TRPC5: variants seen among roughly 807,000 people sequenced by gnomAD.
TRPC5 encodes short transient receptor potential channel 5.
A neutral mutation model predicts 56.5 loss-of-function variants in TRPC5; 9 were observed. That is an observed-to-expected ratio of 0.16 (90% CI 0.10 to 0.28). The LOEUF is 0.28. TRPC5 is among the 10% of genes least tolerant of loss of function. The pLI is 1.00. For synonymous variants in TRPC5, 282 were observed against 278.5 expected (o/e 1.01, Z -0.13); for missense variants, 469 against 748.9 (o/e 0.63, Z 4.36).
rs1460133160 is a variant in TRPC5 at position 111,768,478 on chromosome X, A to G, written c.*7835T>C. 8.9e-6 allele frequency among the ~76,000 whole-genome samples: 1 copy of G among 111,849 alleles called. No homozygotes were observed. Among genetic ancestry groups the G allele is most frequent in the Non-Finnish European group, 1.9e-5 (1 of 53,109 alleles). ...TTTTGAGAAATATGGAATAAATAGA[A>G]TCCTGTGAAGAGTTTAACTATTGTT... On this transcript the variant is annotated 3_prime_UTR_variant, in exon 11 of 11. Coordinates refer to ENST00000262839, the MANE Select transcript of TRPC5 (RefSeq NM_012471.3).
intron 1 of TRPC5, among the ~76,000 whole-genome samples, chrX:112,001,866 G>A (rs1283121725): frequency 8.9e-6 from 1 of 112,192 alleles, no homozygotes; most frequent in Non-Finnish European, 1.9e-5. Flanking sequence ...CACATAGTAG[G>A]TGTTCAGTAA....
At chrX:111,991,361 G>A (rs1928348710) in intron 1 of TRPC5, among the ~76,000 whole-genome samples, 1 of 111,958 alleles carries the variant, frequency 8.9e-6, no homozygotes, top group Non-Finnish European at 1.9e-5. Flanking sequence ...TGACTTATTA[G>A]CTGAACCATA....
chrX:112,051,562 T>A (rs2147734038), intron 1 of TRPC5, among the ~76,000 whole-genome samples: 1 of 111,736 alleles, frequency 8.9e-6, no homozygotes, highest in South Asian at 3.8e-4. Context: ...AAAAAAAAAA[T>A]GTCTTCTGCA....
intron 1 of TRPC5, among the ~76,000 whole-genome samples, chrX:112,059,560 T>C (rs1488461952): frequency 1.8e-5 from 2 of 111,481 alleles, no homozygotes. Context: ...CACCCTGGAG[T>C]TTAAGGGATG....
chrX:111,803,887 G>A (rs772228501), intron 7 of TRPC5, among the ~76,000 whole-genome samples: 1 of 111,852 alleles, frequency 8.9e-6, no homozygotes, highest in East Asian at 2.8e-4. Flanking sequence ...GGCTTTTGTT[G>A]CCATTGCTTT....
chrX:111,948,803 C>T (rs1417081276), intron 2 of TRPC5, among the ~76,000 whole-genome samples: 1 of 110,907 alleles, frequency 9.0e-6, no homozygotes, highest in Non-Finnish European at 1.9e-5. Flanking sequence ...TCTTTCTGAC[C>T]TTTGTCCACC....
intron 3 of TRPC5, among the ~76,000 whole-genome samples, chrX:111,910,054 T>C (rs1925766611): frequency 8.9e-6 from 1 of 112,350 alleles, no homozygotes; most frequent in Admixed American, 9.4e-5. Flanking sequence ...GTGAAATTGT[T>C]TGCAAATAAA....
chrX:111,876,676 A>G (rs1434137486), intron 3 of TRPC5, among the ~76,000 whole-genome samples: 1 of 111,285 alleles, frequency 9.0e-6, no homozygotes, highest in Non-Finnish European at 1.9e-5. Context: ...TTTCATATGA[A>G]TATCAAGGCT....
chrX:111,936,410 T>C (rs1603106526), intron 2 of TRPC5, among the ~76,000 whole-genome samples: 1 of 109,391 alleles, frequency 9.1e-6, no homozygotes, highest in South Asian at 4.0e-4. Context: ...TAGTTATATA[T>C]GTATACATGT....
At chrX:111,981,332 G>A (rs1928077619) in intron 1 of TRPC5, among the ~76,000 whole-genome samples, 1 of 111,384 alleles carries the variant, frequency 9.0e-6, no homozygotes, top group Non-Finnish European at 1.9e-5. Flanking sequence ...TTGCTCATAA[G>A]AGAGTCAGCA....
intron 6 of TRPC5, among the ~76,000 whole-genome samples, chrX:111,841,667 T>C (rs1922736888): frequency 8.9e-6 from 1 of 112,244 alleles, no homozygotes; most frequent in African/African-American, 3.2e-5. Flanking sequence ...CATTTGAATG[T>C]CTAATTGTAC....
At chrX:112,045,798 G>A (rs1035104777) in intron 1 of TRPC5, among the ~76,000 whole-genome samples, 6 of 111,638 alleles carry the variant, frequency 5.4e-5, no homozygotes, top group Non-Finnish European at 9.4e-5. Context: ...TTTGTGAACC[G>A]TTGAGTGGTG....
At chrX:112,061,815 T>C (rs959046478) in intron 1 of TRPC5, among the ~76,000 whole-genome samples, 2 of 111,572 alleles carry the variant, frequency 1.8e-5, no homozygotes, top group Admixed American at 9.5e-5. Context: ...GTTCTTCTGG[T>C]GCTGGCTACC....
intron 2 of TRPC5, among the ~76,000 whole-genome samples, chrX:111,940,546 C>G (rs1443497371): frequency 9.2e-6 from 1 of 109,172 alleles, no homozygotes; most frequent in Non-Finnish European, 1.9e-5. Flanking sequence ...AAAAAATTAG[C>G]CGGGTGTGGT....
chrX:111,969,888 G>A (rs1027526048), intron 1 of TRPC5, among the ~76,000 whole-genome samples: 1 of 111,014 alleles, frequency 9.0e-6, no homozygotes, highest in Admixed American at 9.7e-5. Context: ...AAAGCTGTAT[G>A]TTATATGGTG....
chrX:111,915,334 G>A (rs1925943759), intron 2 of TRPC5, among the ~76,000 whole-genome samples: 1 of 111,787 alleles, frequency 8.9e-6, no homozygotes, highest in Non-Finnish European at 1.9e-5. Flanking sequence ...TAACACCAGA[G>A]AGGAAACCTT....
intron 1 of TRPC5, among the ~76,000 whole-genome samples, chrX:111,977,581 G>A (rs1031727547): frequency 5.4e-5 from 6 of 111,394 alleles, no homozygotes; most frequent in Admixed American, 4.8e-4. Flanking sequence ...ATGTAACTCC[G>A]AAAGCACAGA....
rs893120392 is a variant in TRPC5 at position 111,772,464 on chromosome X, C to T, written c.*3849G>A. 1.8e-5 allele frequency among the ~76,000 whole-genome samples: 2 copies of T among 111,651 alleles called. No individual in the cohort carries two copies. Among genetic ancestry groups the T allele is most frequent in the Admixed American group, 9.6e-5 (1 of 10,440 alleles). ...TATTTATTTATTTTTGAGACAGTCT[C>T]GCTCTGCCGCCCAGGCTTGAGTGCA... On this transcript the variant is annotated 3_prime_UTR_variant, in exon 11 of 11. Coordinates refer to ENST00000262839, the MANE Select transcript of TRPC5 (RefSeq NM_012471.3).
chrX:111,790,090 C>T (rs1302032795), intron 7 of TRPC5, among the ~76,000 whole-genome samples: 1 of 111,871 alleles, frequency 8.9e-6, no homozygotes, highest in East Asian at 2.8e-4. Flanking sequence ...AATCATGCTG[C>T]TATAAAGACA....
Sources: allele counts gnomAD v4.1 joint callset (sites outside exome capture counted in the v4.1 genomes callset), GRCh38; gene constraint gnomAD v4.1.1; transcripts MANE v1.5; gene names NCBI Gene and HGNC (gene_info 2026-07-23, HGNC 2026-07-21).